The following GCNT2 variants were observed in gnomAD, a reference collection of about 807,000 sequenced individuals.
The protein encoded by GCNT2 is N-acetyllactosaminide beta-1,6-N-acetylglucosaminyl-transferase.
In GCNT2, 34 loss-of-function variants were observed where a neutral mutation model predicts 34.2. The ratio of observed to expected loss-of-function variants is 1.00; its 90% confidence interval spans 0.76 to 1.32. The LOEUF (loss-of-function observed/expected upper bound fraction) is 1.32. GCNT2 is among the 40% of genes most tolerant of loss of function. The pLI, the probability that GCNT2 is intolerant of heterozygous loss-of-function variation, is 0.00. For synonymous variants in GCNT2, 212 were observed against 188.0 expected, an observed-to-expected ratio of 1.13 and a Z score of -1.04; for missense variants, 584 against 489.4, an observed-to-expected ratio of 1.19 and a Z score of -1.82.
chr6:10,595,235 A>G (rs892965666), intron 3 of GCNT2, among the ~76,000 whole-genome samples: 4 of 152,074 alleles, frequency 2.6e-5, no homozygotes, highest in African/African-American at 9.7e-5. Context: ...GAAATCAGTC[A>G]TATCACAGGA....
intron 3 of GCNT2, among the ~76,000 whole-genome samples, chr6:10,547,303 C>T (rs1234320029): frequency 6.6e-6 from 1 of 152,324 alleles, no homozygotes; most frequent in African/African-American, 2.4e-5. Flanking sequence ...ACTATTTAAT[C>T]CACAGACCCT....
chr6:10,613,886 G>T (rs905096433), intron 3 of GCNT2, among the ~76,000 whole-genome samples: 1 of 152,114 alleles, frequency 6.6e-6, no homozygotes, highest in Non-Finnish European at 1.5e-5. Flanking sequence ...GAATGAGAAC[G>T]GAAGTTCCCT....
At chr6:10,596,590 C>T (rs539952251) in intron 3 of GCNT2, among the ~76,000 whole-genome samples, 3 of 152,060 alleles carry the variant, frequency 2.0e-5, no homozygotes, top group African/African-American at 7.2e-5. Context: ...GAGTATGGTA[C>T]TAAGAGTAGA....
chr6:10,620,474 A>G (rs1052966771), intron 3 of GCNT2, among the ~76,000 whole-genome samples: 1 of 151,486 alleles, frequency 6.6e-6, no homozygotes, highest in Non-Finnish European at 1.5e-5. Context: ...TGGCACAATC[A>G]TGGCTCATTG....
chr6:10,589,769 G>A (rs1343108052), intron 3 of GCNT2, among the ~76,000 whole-genome samples: 3 of 152,102 alleles, frequency 2.0e-5, no homozygotes, highest in Non-Finnish European at 2.9e-5. Flanking sequence ...CTGATTAAAC[G>A]TGGAGAACAT....
intron 3 of GCNT2, among the ~76,000 whole-genome samples, chr6:10,584,467 C>G (rs1174268129): frequency 6.6e-6 from 1 of 152,106 alleles, no homozygotes; most frequent in Non-Finnish European, 1.5e-5. Flanking sequence ...CGCATTGAGG[C>G]CTTCTTCTTT....
chr6:10,589,151 T>C (rs530336029), intron 3 of GCNT2, among the ~76,000 whole-genome samples: 25 of 132,112 alleles, frequency 1.9e-4, no homozygotes, highest in African/African-American at 6.5e-4. Context: ...GTGGTGTGGG[T>C]GTGTGTGCGT....
At chr6:10,606,558 T>C (rs1285179933) in intron 3 of GCNT2, among the ~76,000 whole-genome samples, 1 of 152,118 alleles carries the variant, frequency 6.6e-6, no homozygotes, top group Non-Finnish European at 1.5e-5. Flanking sequence ...GGGATCTCTT[T>C]TAAAAATGAG....
In GCNT2 at chr6:10,598,685, A is replaced by G. The variant is rs1437598676; in HGVS notation, c.926-22666A>G. Among the ~76,000 whole-genome samples, 3 of 152,092 alleles carry G rather than the reference A, an allele frequency of 2.0e-5. No individual in the cohort carries two copies. The East Asian group carries it at 5.8e-4, about 29-fold the overall frequency. On this transcript the variant is annotated intron_variant, in intron 3 of 4. Coordinates refer to ENST00000495262, the MANE Select transcript of GCNT2 (RefSeq NM_145649.5). ...TGTAGCACATTTCCCCTTGTTTCCA[A>G]GAGTATTTTCTCGATGTGCCCAGGG...
chr6:10,581,571 C>G (rs1261634501), intron 3 of GCNT2: 3 of 173,504 alleles, frequency 1.7e-5, no homozygotes, highest in Admixed American at 1.3e-4. Flanking sequence ...CACCCGGCCT[C>G]ATTTATTTAT....
At chr6:10,550,673 A>G (rs948796924) in intron 3 of GCNT2, among the ~76,000 whole-genome samples, 1 of 152,028 alleles carries the variant, frequency 6.6e-6, no homozygotes, top group African/African-American at 2.4e-5. Context: ...TGTAATGACA[A>G]GGTCTCACTA....
chr6:10,629,203 A>C lies in GCNT2; in HGVS notation c.*2596A>C, dbSNP rs186051583. On this transcript the variant is annotated 3_prime_UTR_variant, in exon 5 of 5. Coordinates refer to ENST00000495262, the MANE Select transcript of GCNT2 (RefSeq NM_145649.5). ...GATGTTTACATGTCTGTTGTTGGTC[A>C]TCTCTCCTGTGTCTTAAATACTTTA... The C allele has an allele frequency of 6.5e-6, 1 of 152,782 alleles. No individual in the cohort carries two copies. Among genetic ancestry groups the C allele is most frequent in the Admixed American group, 6.5e-5 (1 of 15,304 alleles). 9.5% of individuals were successfully genotyped at this position (152,782 alleles called of 1,614,324 possible).
At chr6:10,553,709 C>T (rs942772061) in intron 3 of GCNT2, among the ~76,000 whole-genome samples, 6 of 152,098 alleles carry the variant, frequency 3.9e-5, no homozygotes, top group Non-Finnish European at 7.4e-5. Context: ...GCTTGGCCAA[C>T]GTGGCGAAAT....
chr6:10,534,141 C>CTTT (rs1224219034), intron 3 of GCNT2, among the ~76,000 whole-genome samples: 83 of 120,286 alleles, frequency 6.9e-4, no homozygotes, highest in African/African-American at 2.3e-3. Context: ...CCATGCTGCT[C>CTTT]TTTTTTTTTT....
intron 3 of GCNT2, among the ~76,000 whole-genome samples, chr6:10,565,786 C>G (rs1183976915): frequency 6.6e-6 from 1 of 152,096 alleles, no homozygotes; most frequent in African/African-American, 2.4e-5. Context: ...CTGGCGCCGT[C>G]GTCTACCCTT....
At chr6:10,559,767 T>C (rs542416111) in intron 3 of GCNT2, among the ~76,000 whole-genome samples, 1 of 152,382 alleles carries the variant, frequency 6.6e-6, no homozygotes, top group East Asian at 1.9e-4. Context: ...TGTCTGATTC[T>C]GCAAGGGATG....
chr6:10,616,899 G>A (rs1279001642), intron 3 of GCNT2, among the ~76,000 whole-genome samples: 1 of 152,234 alleles, frequency 6.6e-6, no homozygotes, highest in Admixed American at 6.5e-5. Flanking sequence ...CAAACCTTGA[G>A]CTAGAGACAG....
At chr6:10,543,905 A>G (rs559755598) in intron 3 of GCNT2, among the ~76,000 whole-genome samples, 1 of 152,326 alleles carries the variant, frequency 6.6e-6, no homozygotes, top group African/African-American at 2.4e-5. Flanking sequence ...GGAGTCGATT[A>G]GGAGATGAAA....
chr6:10,590,790 G>A (rs1482436264), intron 3 of GCNT2, among the ~76,000 whole-genome samples: 1 of 152,126 alleles, frequency 6.6e-6, no homozygotes, highest in Admixed American at 6.5e-5. Flanking sequence ...CTGACCTCAT[G>A]ATCTGCCCGC....
Sources: gnomAD v4.1 joint callset for allele counts (sites outside exome capture counted in the v4.1 genomes callset) on GRCh38, gnomAD v4.1.1 for gene constraint, MANE v1.5 for transcripts, NCBI Gene and HGNC (gene_info 2026-07-23, HGNC 2026-07-21) for gene names.